Variants in MRPL45 observed in about 807,000 individuals in gnomAD.
MRPL45 encodes the protein large ribosomal subunit protein mL45.
Under a neutral mutation model 38.1 loss-of-function variants are expected in MRPL45, and 20 were observed. The observed-to-expected ratio is 0.53, with a 90% CI of 0.37 to 0.76. MRPL45 has a LOEUF of 0.76. Ranked by LOEUF, MRPL45 falls within the 30% of genes least tolerant of loss-of-function variation. MRPL45 has a pLI of 0.00. For missense variants in MRPL45, 337 were observed against 395.6 expected (o/e 0.85, Z 1.26); for synonymous variants, 105 against 128.8 (o/e 0.82, Z 1.25).
rs548988485 is a variant in MRPL45, at chr17:38,297,966, C to G, written c.67-483C>G. On this transcript the variant is annotated intron_variant, in intron 1 of 7. Coordinates refer to ENST00000613675, the MANE Select transcript of MRPL45 (RefSeq NM_032351.6). ...TTTTAAAATTAGCCAGATGCGATGG[C>G]GCACTCCTTAGTCCCAGCTACTTGG... Among the ~76,000 whole-genome samples, 7 of 152,270 alleles carry G rather than the reference C, an allele frequency of 4.6e-5. 1 individual carries two copies. In the South Asian group the frequency reaches 1.5e-3, roughly 32 times the overall value.
intron 3 of MRPL45, among the ~76,000 whole-genome samples, chr17:38,302,585 G>A (rs193216885): frequency 0.023 from 3,361 of 145,906 alleles, 125 homozygotes; most frequent in African/African-American, 0.081. Context: ...AAACAGAACA[G>A]TACAAGCAAG....
chr17:38,319,471 T>C (rs1335792329), intron 5 of MRPL45, among the ~76,000 whole-genome samples: 1 of 152,120 alleles, frequency 6.6e-6, no homozygotes, highest in East Asian at 1.9e-4. Flanking sequence ...GCGCCCTGCC[T>C]GGTTTTTCTT....
intron 4 of MRPL45, among the ~76,000 whole-genome samples, chr17:38,318,343 A>C (rs1306800043): frequency 6.6e-6 from 1 of 152,056 alleles, no homozygotes; most frequent in African/African-American, 2.4e-5. Context: ...CTTAGAGCAA[A>C]AATCAGGTCC....
chr17:38,298,501 G>T lies in MRPL45; in HGVS notation c.119G>T (p.Arg40Leu). The T allele has an allele frequency of 1.2e-6, 2 of 1,613,908 alleles. No homozygotes were observed. The highest frequency in any genetic ancestry group is 1.7e-6 in the Non-Finnish European group (2 of 1,179,876). ...ATAGTTCCAGTAAGAACTAAAAAAC[G>T]TTTCACACCTCCTATTTATCAACCT... ...AAIVPVRTKKRFTPPIYQPKF... is the reference protein window; with the variant it reads ...AAIVPVRTKKLFTPPIYQPKF... Residue 40 changes from arginine (R) to leucine (L), a missense_variant, in exon 2 of 8, where the codon CGT becomes CTT. Physicochemically the swap from Arg to Leu is moderately radical, Grantham distance 102 (BLOSUM62 -2). Coordinates refer to ENST00000613675, the MANE Select transcript of MRPL45 (RefSeq NM_032351.6).
chr17:38,303,505 A>T (rs1181134787), intron 3 of MRPL45, among the ~76,000 whole-genome samples: 1 of 151,672 alleles, frequency 6.6e-6, no homozygotes, highest in Non-Finnish European at 1.5e-5. Context: ...CATATTGGCC[A>T]GGCTGGTCTC....
At chr17:38,307,121 C>T (rs905027794) in intron 4 of MRPL45, among the ~76,000 whole-genome samples, 12 of 152,036 alleles carry the variant, frequency 7.9e-5, no homozygotes, top group Non-Finnish European at 1.0e-4. Flanking sequence ...GCAACCTCCA[C>T]GTCCCTGGTT....
At chr17:38,310,130 C>CT (rs71135802) in intron 4 of MRPL45, among the ~76,000 whole-genome samples, 96,417 of 122,200 alleles carry the variant, frequency 0.79, 39,701 homozygotes, top group South Asian at 0.91. Context: ...TTAGAATTTT[C>CT]TTTTTTTTTT....
At chr17:38,305,944 A>G (rs2037049549) in intron 3 of MRPL45, among the ~76,000 whole-genome samples, 1 of 151,554 alleles carries the variant, frequency 6.6e-6, no homozygotes, top group African/African-American at 2.4e-5. Context: ...CGCCTGGCCT[A>G]TTTTGACTCT....
chr17:38,315,480 G>A (rs2037164600), intron 4 of MRPL45, among the ~76,000 whole-genome samples: 1 of 151,590 alleles, frequency 6.6e-6, no homozygotes, highest in African/African-American at 2.4e-5. Flanking sequence ...TGTTGCCCAG[G>A]CTGGTCTCGA....
Position 38,320,769 on chromosome 17 carries a change from T to G in MRPL45, c.660+2T>G. 6.2e-7 allele frequency: 1 copy of G among 1,613,794 alleles called. No individual in the cohort carries two copies. The highest frequency in any genetic ancestry group is 8.5e-7 in the Non-Finnish European group (1 of 1,179,972). On this transcript the variant is annotated splice_donor_variant, in intron 6 of 7. Coordinates refer to ENST00000613675, the MANE Select transcript of MRPL45 (RefSeq NM_032351.6). LOFTEE classifies it high-confidence loss of function. ...ACCGTACGCATGCACACCCGGCAGG[T>G]AGAGGCACTCGTCTGCCTTCCTCCC...
intron 4 of MRPL45, among the ~76,000 whole-genome samples, chr17:38,317,602 C>G (rs759061051): frequency 6.6e-6 from 1 of 151,614 alleles, no homozygotes; most frequent in East Asian, 1.9e-4. Context: ...GACGGAATCT[C>G]GCTCTGTCAC....
intron 4 of MRPL45, among the ~76,000 whole-genome samples, chr17:38,313,297 T>TAAAAAA (rs879236168): frequency 1.1e-4 from 2 of 18,526 alleles, no homozygotes; most frequent in Non-Finnish European, 1.3e-4. Context: ...TCCTTTCTAT[T>TAAAAAA]AAAAAAAAAA....
At chr17:38,317,865 GC>G (rs1181292894) in intron 4 of MRPL45, among the ~76,000 whole-genome samples, 11 of 151,818 alleles carry the variant, frequency 7.2e-5, no homozygotes, top group Admixed American at 7.2e-4. Context: ...GAGCCACCAT[GC>G]CCGGCTGTTT....
At chr17:38,307,087 G>A (rs1373209635) in intron 4 of MRPL45, among the ~76,000 whole-genome samples, 3 of 151,988 alleles carry the variant, frequency 2.0e-5, no homozygotes, top group African/African-American at 7.3e-5. Flanking sequence ...GGCTGGGAGT[G>A]CAATGGCGCA....
chr17:38,309,622 TA>T (rs1240620061), intron 4 of MRPL45, among the ~76,000 whole-genome samples: 129,865 of 149,488 alleles, frequency 0.87, 56,825 homozygotes, highest in South Asian at 0.93. Context: ...TTTTTATTTT[TA>T]TTTTTTAGTT....
At position 38,322,740 on chromosome 17, in the gene MRPL45, A is replaced by G; in HGVS notation, c.*145A>G. On this transcript the variant is annotated 3_prime_UTR_variant, in exon 8 of 8. Transcript: ENST00000613675. ...CTTTTCAGCAGTCTCATCATCAGCA[A>G]CCATGACTGATGACTGGGCCCTAGC... is the stretch of plus-strand genomic sequence containing the variant. The G allele has an allele frequency of 3.2e-6, 2 of 634,866 alleles. No individual in the cohort carries two copies. Among genetic ancestry groups the G allele is most frequent in the Non-Finnish European group, 5.4e-6 (2 of 368,180 alleles). The allele number at this position is 634,866 out of a possible 1,614,324, so 39.3% of individuals were successfully genotyped here. A position where few individuals can be genotyped will look rare whatever the true frequency, so the allele number is the denominator to read the frequency against.
intron 3 of MRPL45, among the ~76,000 whole-genome samples, chr17:38,304,294 C>G (rs528916579): frequency 6.6e-6 from 1 of 152,244 alleles, no homozygotes; most frequent in Non-Finnish European, 1.5e-5. Flanking sequence ...ACAGTGAGAC[C>G]TTGTCTCTAC....
intron 3 of MRPL45, among the ~76,000 whole-genome samples, chr17:38,301,139 C>T (rs1182549058): frequency 6.6e-6 from 1 of 152,166 alleles, no homozygotes; most frequent in East Asian, 1.9e-4. Flanking sequence ...TAAATTTTAG[C>T]ATTTCCAAAC....
chr17:38,313,311 A>AAAAAT (rs1311544521), intron 4 of MRPL45, among the ~76,000 whole-genome samples: 1 of 7,870 alleles, frequency 1.3e-4, no homozygotes, highest in Non-Finnish European at 2.3e-4. Context: ...AAAAAAAAAA[A>AAAAAT]ATATATATAT....
Sources: gnomAD v4.1 joint callset for allele counts (sites outside exome capture counted in the v4.1 genomes callset) on GRCh38, gnomAD v4.1.1 for gene constraint, MANE v1.5 for transcripts, NCBI Gene and HGNC (gene_info 2026-07-23, HGNC 2026-07-21) for gene names.